The following PRDM4 variants were observed in gnomAD, a reference collection of about 807,000 sequenced individuals.
PRDM4 encodes the protein PR domain zinc finger protein 4.
PRDM4 carries 38 observed loss-of-function variants against 62.3 expected under a neutral mutation model. The observed-to-expected ratio is 0.61, with a 90% CI of 0.47 to 0.80. The LOEUF (loss-of-function observed/expected upper bound fraction) is 0.80. Among genes scored for constraint, PRDM4 ranks in the 30% least tolerant of loss-of-function variants. PRDM4 has a pLI of 0.00. For synonymous variants in PRDM4, 339 were observed against 348.2 expected (o/e 0.97, Z 0.30); for missense variants, 858 against 997.1 (o/e 0.86, Z 1.88).
At chr12:107,752,300 T>A in intron 4 of PRDM4, 91 bp from the exon 5 acceptor site, 1 of 870,842 alleles carries the variant, frequency 1.1e-6, no homozygotes, top group Non-Finnish European at 1.8e-6. Context: ...CAAACATAAC[T>A]AAGTTCAAAT....
chr12:107,749,945 A>G (rs1468976736), intron 5 of PRDM4, among the ~76,000 whole-genome samples: 2 of 152,154 alleles, frequency 1.3e-5, no homozygotes, highest in Non-Finnish European at 1.5e-5. Flanking sequence ...AGGCACTTAC[A>G]GGTGCCAGCT....
intron 7 of PRDM4, among the ~76,000 whole-genome samples, chr12:107,743,778 A>C (rs918015175): frequency 6.6e-6 from 1 of 152,184 alleles, no homozygotes; most frequent in Non-Finnish European, 1.5e-5. Context: ...TTCCCAATAG[A>C]TATCTATGTG....
Position 107,754,076 on chromosome 12 carries a change from G to C in PRDM4, c.179C>G (p.Ser60Cys), listed in dbSNP as rs201319602. Reference protein sequence around the residue: ...LPVAIPNLGPSLSSLPSALSL... With the variant: ...LPVAIPNLGPCLSSLPSALSL... ...CAGAGCAGAAGGCAGAGAGCTCAGG[G>C]AGGGACCCAGGTTTGGAATTGCCAC... Residue 60 changes from serine to cysteine, a missense_variant, in exon 4 of 12, where the codon TCC becomes TGC. Coordinates refer to ENST00000228437, the MANE Select transcript of PRDM4 (RefSeq NM_012406.4). 3 of 1,610,990 alleles carry C rather than the reference G, an allele frequency of 1.9e-6. No individual in the cohort carries two copies. In the African/African-American group the frequency reaches 4.0e-5, roughly 22 times the overall value.
At chr12:107,754,338 TCCAA>T (rs1890996751) in intron 3 of PRDM4, among the ~76,000 whole-genome samples, 1 of 152,188 alleles carries the variant, frequency 6.6e-6, no homozygotes, top group African/African-American at 2.4e-5. Context: ...AAGTTGATAC[TCCAA>T]TTGTCTGTAT....
At chr12:107,736,012 T>C (rs569341226) in intron 11 of PRDM4, among the ~76,000 whole-genome samples, 1 of 152,264 alleles carries the variant, frequency 6.6e-6, no homozygotes, top group South Asian at 2.1e-4. Flanking sequence ...ATGGGAAACA[T>C]CATGTGCATA....
At chr12:107,746,064 C>G (rs1194152497) in intron 6 of PRDM4, among the ~76,000 whole-genome samples, 1 of 152,138 alleles carries the variant, frequency 6.6e-6, no homozygotes. Flanking sequence ...AATACTGATT[C>G]TAACAAAGGA....
intron 11 of PRDM4, chr12:107,739,102 A>G (rs987948589): frequency 4.2e-5 from 13 of 310,974 alleles, no homozygotes; most frequent in Non-Finnish European, 7.2e-5. Context: ...AACCACTTGC[A>G]GTCAATAGTC....
Position 107,734,321 on chromosome 12 carries a change from T to TTCC in PRDM4, c.2292_2294dup (p.Glu767dup). 6.2e-7 allele frequency: 1 copy of TTCC among 1,614,208 alleles called. No individual in the cohort carries two copies. Among genetic ancestry groups the TTCC allele is most frequent in the Non-Finnish European group, 8.5e-7 (1 of 1,180,020 alleles). On this transcript the variant is annotated inframe_insertion, in exon 12 of 12. Coordinates refer to ENST00000228437, the MANE Select transcript of PRDM4 (RefSeq NM_012406.4). The stretch of plus-strand genomic sequence containing the variant: ...CTTCCTCTTCTGAGTCATCCTCTTC[T>TTCC]TCCTCCTCTGGTGCTGACGAACTGG...
intron 4 of PRDM4, among the ~76,000 whole-genome samples, chr12:107,753,648 A>G (rs1243783622): frequency 6.6e-6 from 1 of 152,228 alleles, no homozygotes; most frequent in Non-Finnish European, 1.5e-5. Flanking sequence ...ATAGCTGTAG[A>G]ATTATAAACA....
In PRDM4 at chr12:107,760,491, A is replaced by G; in HGVS notation, c.11+14T>C. On this transcript the variant is annotated intron_variant, in intron 2 of 11. Transcript: ENST00000228437. ...AACGATGTCACCAGTGCTGAAGCCC[A>G]CCTCCCTACTCACCTGTGATGCATC... The G allele has an allele frequency of 1.9e-6, 3 of 1,613,096 alleles. No individual in the cohort carries two copies. The highest frequency in any genetic ancestry group is 2.5e-6 in the Non-Finnish European group (3 of 1,179,602).
rs1593180720 is a variant in PRDM4, at chr12:107,760,682, C to A, written c.-167G>T. On this transcript the variant is annotated 5_prime_UTR_variant, in exon 2 of 12. Coordinates refer to ENST00000228437, the MANE Select transcript of PRDM4 (RefSeq NM_012406.4). ...GGGCCGCCCAACTTCTCCCGAGGGCCGGTGGCCGTGCACCCCGCCACGGGT... is the reference window on the plus strand; with the variant it reads ...GGGCCGCCCAACTTCTCCCGAGGGCAGGTGGCCGTGCACCCCGCCACGGGT... 5 of 755,096 alleles carry A rather than the reference C, an allele frequency of 6.6e-6. No homozygotes were observed. Among genetic ancestry groups the A allele is most frequent in the Non-Finnish European group, 8.4e-6 (4 of 474,628 alleles). The allele number at this position is 755,096 out of a possible 1,614,324, so 46.8% of individuals were successfully genotyped here.
intron 11 of PRDM4, among the ~76,000 whole-genome samples, chr12:107,735,222 T>C (rs191644021): frequency 1.3e-5 from 2 of 152,298 alleles, no homozygotes; most frequent in Admixed American, 6.5e-5. Context: ...CTAGGGCACA[T>C]ACCCAAGAAC....
chr12:107,758,255 TTTTTTTG>T (rs1250563870), intron 2 of PRDM4: 1 of 143,300 alleles, frequency 7.0e-6, no homozygotes, highest in Non-Finnish European at 1.5e-5. Flanking sequence ...TTTTTTTTTT[TTTTTTTG>T]TTTTTGAGAC....
intron 5 of PRDM4, among the ~76,000 whole-genome samples, chr12:107,749,396 CTTTTTTT>C (rs56295338): frequency 2.3e-5 from 3 of 130,136 alleles, no homozygotes; most frequent in Non-Finnish European, 4.9e-5. Context: ...TTTCTGTTTG[CTTTTTTT>C]TTTTTTTTTT....
In PRDM4 at chr12:107,755,955, G is replaced by A. The variant is rs1008226202; in HGVS notation, c.145+877C>T. On this transcript the variant is annotated intron_variant, in intron 3 of 11. Transcript: ENST00000228437. ...CAAAAAATTAGTTGAGCATGGTGGCGTGTGCCTGTAGTCTCAGCTACTCGG... is the reference window on the plus strand; with the variant it reads ...CAAAAAATTAGTTGAGCATGGTGGCATGTGCCTGTAGTCTCAGCTACTCGG... Among the ~76,000 whole-genome samples, 9 of 152,296 alleles carry A rather than the reference G, an allele frequency of 5.9e-5. No homozygotes were observed. In the South Asian group the frequency reaches 6.2e-4, roughly 11 times the overall value.
intron 5 of PRDM4, among the ~76,000 whole-genome samples, chr12:107,746,988 T>C (rs1026198454): frequency 4.6e-5 from 7 of 152,016 alleles, no homozygotes; most frequent in Admixed American, 4.6e-4. Flanking sequence ...AGAGAAACAC[T>C]AATGAAAAAT....
At chr12:107,744,349 G>GT (rs1443757375) in intron 7 of PRDM4, among the ~76,000 whole-genome samples, 194 bp downstream of exon 7, 1 of 152,144 alleles carries the variant, frequency 6.6e-6, no homozygotes, top group Admixed American at 6.5e-5. Context: ...AGTAGCTGGT[G>GT]TTTTGCTGTA....
At chr12:107,755,125 C>T (rs1179097744) in intron 3 of PRDM4, among the ~76,000 whole-genome samples, 2 of 151,934 alleles carry the variant, frequency 1.3e-5, no homozygotes, top group Non-Finnish European at 2.9e-5. Flanking sequence ...TGCTATGTTG[C>T]CCAGGTTGGA....
intron 4 of PRDM4, among the ~76,000 whole-genome samples, chr12:107,753,420 C>T (rs780288845): frequency 2.0e-5 from 3 of 150,798 alleles, no homozygotes; most frequent in Non-Finnish European, 3.0e-5. Context: ...GAGAAGAAAC[C>T]GTGGTCTTAA....
Sources: gnomAD v4.1 joint callset for allele counts (sites outside exome capture counted in the v4.1 genomes callset) on GRCh38, gnomAD v4.1.1 for gene constraint, MANE v1.5 for transcripts, NCBI Gene and HGNC (gene_info 2026-07-23, HGNC 2026-07-21) for gene names.